The following ZNF394 variants were observed in gnomAD, a reference collection of about 807,000 sequenced individuals.
The protein encoded by ZNF394 is zinc finger protein 99.
A neutral mutation model predicts 21.8 loss-of-function variants in ZNF394; 19 were observed. The observed-to-expected ratio is 0.87, with a 90% CI of 0.61 to 1.28. The LOEUF is 1.28. Among genes scored for constraint, ZNF394 ranks in the 50% most tolerant of loss-of-function variants. The pLI is 0.00. For missense variants in ZNF394, 683 were observed against 708.6 expected (o/e 0.96, Z 0.41); for synonymous variants, 294 against 273.3 (o/e 1.08, Z -0.75).
At chr7:99,490,287 T>G (rs879753938), downstream of ZNF394, among the ~76,000 whole-genome samples, 63 of 150,844 alleles carry the variant, frequency 4.2e-4, no homozygotes, top group Non-Finnish European at 6.9e-4. Context: ...CCTGAGTAGC[T>G]GGGACTACAG....
chr7:99,487,540 C>A, intron 1 of ZNF394: 1 of 1,543,680 alleles, frequency 6.5e-7, no homozygotes, highest in South Asian at 1.2e-5. Context: ...ACCTCTACTT[C>A]AAGTGTGTAT....
intron 2 of ZNF394, among the ~76,000 whole-genome samples, chr7:99,495,210 T>C (rs1800266784): frequency 1.3e-5 from 2 of 152,058 alleles, no homozygotes; most frequent in Non-Finnish European, 2.9e-5. Context: ...TGTTTCACCA[T>C]ATTGGCCAGG....
intron 2 of ZNF394, among the ~76,000 whole-genome samples, chr7:99,495,760 A>G (rs1244440582): frequency 1.3e-5 from 2 of 151,814 alleles, no homozygotes; most frequent in Non-Finnish European, 1.5e-5. Context: ...AGCTGGGATT[A>G]CAGGCAACGT....
chr7:99,492,027 T>C (rs559179064), downstream of ZNF394, among the ~76,000 whole-genome samples: 309 of 137,862 alleles, frequency 2.2e-3, 1 homozygote, highest in Non-Finnish European at 4.0e-3. Flanking sequence ...GAGCCGAGAT[T>C]GCGCCACTGC....
chr7:99,492,639 CAAAAAA>C (rs757663157), downstream of ZNF394, among the ~76,000 whole-genome samples: 1 of 50,488 alleles, frequency 2.0e-5, no homozygotes, highest in Non-Finnish European at 4.1e-5. Flanking sequence ...GACTCCATCT[CAAAAAA>C]AAAAAAAAAA....
chr7:99,498,953 G>C, intron 1 of ZNF394, 111 bp from the exon 2 acceptor site: 4 of 1,394,840 alleles, frequency 2.9e-6, no homozygotes, highest in Non-Finnish European at 3.8e-6. Flanking sequence ...GATAGAGGCT[G>C]ACATTCTCTT....
chr7:99,494,531 C>G lies in ZNF394; in HGVS notation c.684G>C (p.Lys228Asn). The stretch of plus-strand genomic sequence containing the variant: ...TGCCACACTTAGAAAACAGGGGGCG[C>G]TTCCCCTGGAACGCTTCTTGTAGTT... ...QGQLQEAFQG[K>N]RPLFSKCGST... Residue 228 changes from lysine (K) to asparagine (N), a missense_variant, in exon 3 of 3, where the codon AAG (lysine) becomes AAC (asparagine). Coordinates refer to ENST00000337673, the MANE Select transcript of ZNF394 (RefSeq NM_032164.4). The G allele has an allele frequency of 6.2e-7, 1 of 1,613,632 alleles. No individual in the cohort carries two copies. Among genetic ancestry groups the G allele is most frequent in the Non-Finnish European group, 8.5e-7 (1 of 1,180,034 alleles).
chr7:99,499,967 C>G lies in ZNF394; in HGVS notation c.127G>C (p.Glu43Gln). ...GGCTCCCAACTTCCGGGTGAGTCTT[C>G]CTCCACTTTCACGGGCAAAAGTCCG... ...RDGLLPVKVE[E>Q]DSPGSWEPNY... The change falls in exon 1 of 3, where the codon GAA becomes CAA. Residue 43 changes from glutamate to glutamine, a missense_variant. Coordinates refer to ENST00000337673, the MANE Select transcript of ZNF394 (RefSeq NM_032164.4). The G allele has an allele frequency of 6.2e-7, 1 of 1,613,702 alleles. No individual in the cohort carries two copies. Among genetic ancestry groups the G allele is most frequent in the Admixed American group, 1.7e-5 (1 of 60,022 alleles).
intron 2 of ZNF394, 88 bp from the exon 3 acceptor site, chr7:99,494,719 C>A: frequency 1.4e-6 from 2 of 1,443,916 alleles, no homozygotes; most frequent in African/African-American, 1.5e-5. Context: ...AACCCTCAAA[C>A]CCCTTTTACT....
downstream of ZNF394, among the ~76,000 whole-genome samples, chr7:99,489,656 G>A (rs1442175709): frequency 1.3e-5 from 2 of 151,998 alleles, no homozygotes; most frequent in East Asian, 3.9e-4. Context: ...TAAACTACTT[G>A]TATTCAAAAA....
chr7:99,500,139 G>A lies in ZNF394; in HGVS notation c.-46C>T, dbSNP rs377751850. The A allele has an allele frequency of 1.0e-5, 15 of 1,503,920 alleles. No individual in the cohort carries two copies. Among genetic ancestry groups the A allele is most frequent in the Non-Finnish European group, 1.2e-5 (14 of 1,134,340 alleles). 93.2% of individuals were successfully genotyped at this position (1,503,920 alleles called of 1,614,324 possible). On this transcript the variant is annotated 5_prime_UTR_variant, in exon 1 of 3. Transcript: ENST00000337673. ...CCTTCCTGGAGTCTTCTTTTCAGGT[G>A]AAGAAAGAGCAAACCCAAGGAACTC...
At chr7:99,494,652 T>C in intron 2 of ZNF394, 21 bp from the exon 3 acceptor site, 5 of 1,554,502 alleles carry the variant, frequency 3.2e-6, no homozygotes, top group Non-Finnish European at 4.3e-6. Flanking sequence ...AAAATACAAA[T>C]TCCTGCCAGT....
downstream of ZNF394, among the ~76,000 whole-genome samples, chr7:99,488,316 C>G (rs986676369): frequency 6.6e-6 from 1 of 151,840 alleles, no homozygotes; most frequent in East Asian, 1.9e-4. Flanking sequence ...GCTGGAGAAT[C>G]ACTTGAGGTC....
In ZNF394 at chr7:99,499,818, C is replaced by A. The variant is rs756222658; in HGVS notation, c.276G>T (p.Trp92Cys). The A allele has an allele frequency of 4.3e-6, 7 of 1,614,058 alleles. No individual in the cohort carries two copies. Among genetic ancestry groups the A allele is most frequent in the Non-Finnish European group, 5.9e-6 (7 of 1,180,058 alleles). The change falls in exon 1 of 3, where the codon TGG becomes TGT. Residue 92 changes from tryptophan (W) to cysteine (C), a missense_variant. Physicochemically the swap from Trp to Cys is radical, Grantham distance 215. Around this residue, in one of 3 missense-constraint regions of ZNF394, gnomAD observed 402 missense variants for 373.8 expected, o/e 1.08. Transcript: ENST00000337673. Reference sequence around the variant, plus strand: ...CCTTGGAGAGCAGCTCGGGTCTCAGCCACCGACGACAGAGTTCTCGGAGCC... The same window carrying A: ...CCTTGGAGAGCAGCTCGGGTCTCAGACACCGACGACAGAGTTCTCGGAGCC... ...LSRLRELCRR[W>C]LRPELLSKEQ...
At position 99,494,735 on chromosome 7, in the gene ZNF394, A is replaced by T. The variant is rs57348438; in HGVS notation, c.584-104T>A. On this transcript the variant is annotated intron_variant, in intron 2 of 2. Transcript: ENST00000337673. ...ACCCTCAAACCCCTTTTACTTTTTA[A>T]TTAATTAATTTATTTTTTGAGACGG... is the stretch of plus-strand genomic sequence containing the variant. The T allele has an allele frequency of 5.4e-5, 70 of 1,306,616 alleles. 1 individual carries two copies. The Middle Eastern group carries it at 1.1e-3, about 20-fold the overall frequency. 80.9% of individuals were successfully genotyped at this position (1,306,616 alleles called of 1,614,324 possible).
At position 99,486,868 on chromosome 7, in the gene ZNF394, C is replaced by G. The variant is rs1375727917; in HGVS notation, n.179G>C. 4 of 1,614,156 alleles carry G rather than the reference C, an allele frequency of 2.5e-6. No homozygotes were observed. In the East Asian group the frequency reaches 8.9e-5, roughly 36 times the overall value. ...GCGTAAGGCATGGTTTGATCAACAT[C>G]AAAGAATTCACTTTTTAGAGAATCC... On this transcript the variant is annotated non_coding_transcript_exon_variant, in exon 2 of 2. Transcript: ENST00000462024.
At chr7:99,493,143 A>G, downstream of ZNF394, 1 of 936,676 alleles carries the variant, frequency 1.1e-6, no homozygotes, top group Non-Finnish European at 1.3e-6. Context: ...CCTATCTTGT[A>G]GGAGATACTC....
chr7:99,486,830 G>T lies in ZNF394; in HGVS notation n.217C>A, dbSNP rs777414066. 1.9e-6 allele frequency: 3 copies of T among 1,614,196 alleles called. No homozygotes were observed. The Admixed American group carries it at 5.0e-5, about 27-fold the overall frequency. ...AAGTCTTATGAATGCAGTGAATGTG[G>T]AAAAGTCATTAGGCGTAAGGCATGG... On this transcript the variant is annotated non_coding_transcript_exon_variant, in exon 2 of 2. Transcript: ENST00000462024.
At chr7:99,488,049 G>GCGA (rs1421631408) in intron 1 of ZNF394, among the ~76,000 whole-genome samples, 3 of 142,194 alleles carry the variant, frequency 2.1e-5, no homozygotes, top group Admixed American at 1.4e-4. Flanking sequence ...TCCAGCCTGG[G>GCGA]CGACAGAGCG....
Sources: allele counts gnomAD v4.1 joint callset (sites outside exome capture counted in the v4.1 genomes callset), GRCh38; gene constraint gnomAD v4.1.1; regional missense constraint gnomAD v4.1.1; transcripts MANE v1.5; gene names NCBI Gene and HGNC (gene_info 2026-07-23, HGNC 2026-07-21).